LGR4: variants seen among roughly 807,000 people sequenced by gnomAD.
LGR4 encodes leucine rich repeat containing G protein-coupled receptor 4, also known as leucine-rich repeat-containing G protein-coupled receptor 4.
Under a neutral mutation model 84.8 loss-of-function variants are expected in LGR4, and 44 were observed. The ratio of observed to expected loss-of-function variants is 0.52; its 90% confidence interval spans 0.41 to 0.67. LGR4 has a LOEUF of 0.67. Among genes scored for constraint, LGR4 ranks in the 30% least tolerant of loss-of-function variants. The probability of loss-of-function intolerance (pLI) is 0.00; values close to 1 mark genes in which losing one functional copy is unlikely to be tolerated. For synonymous variants in LGR4, 429 were observed against 434.3 expected (o/e 0.99, Z 0.15); for missense variants, 1,032 against 1,131.4 (o/e 0.91, Z 1.26).
chr11:27,398,937 A>G (rs1180801186), intron 2 of LGR4, among the ~76,000 whole-genome samples: 2 of 151,398 alleles, frequency 1.3e-5, no homozygotes, highest in East Asian at 3.9e-4. Context: ...ACGGAGTTTC[A>G]TTCTTGTTGC....
Position 27,373,971 on chromosome 11 carries a change from T to C in LGR4, c.1253+4A>G. 6.3e-7 allele frequency: 1 copy of C among 1,592,698 alleles called. No individual in the cohort carries two copies. The highest frequency in any genetic ancestry group is 8.6e-7 in the Non-Finnish European group (1 of 1,160,586). On this transcript the variant is annotated splice_donor_region_variant and intron_variant, in intron 14 of 17. Coordinates refer to ENST00000379214, the MANE Select transcript of LGR4 (RefSeq NM_018490.5). ...ATGACATTACTGCATAATCATCCACTTACAGGTTAGTTATTGGCCCAAGTG... is the reference window on the plus strand; with the variant it reads ...ATGACATTACTGCATAATCATCCACCTACAGGTTAGTTATTGGCCCAAGTG...
At chr11:27,450,367 C>A (rs760414483) in intron 1 of LGR4, among the ~76,000 whole-genome samples, 1 of 152,184 alleles carries the variant, frequency 6.6e-6, no homozygotes, top group Non-Finnish European at 1.5e-5. Context: ...ACTTTCCTTC[C>A]GGCAGAATAT....
intron 1 of LGR4, among the ~76,000 whole-genome samples, chr11:27,460,140 T>C (rs977380026): frequency 6.6e-6 from 1 of 152,164 alleles, no homozygotes; most frequent in Non-Finnish European, 1.5e-5. Context: ...TTCTATTTCA[T>C]GTTCTTGACC....
chr11:27,418,220 A>T (rs1166270496), intron 1 of LGR4, among the ~76,000 whole-genome samples: 2 of 152,236 alleles, frequency 1.3e-5, no homozygotes, highest in Admixed American at 1.3e-4. Context: ...CATTCAATTA[A>T]ATTTAACTGT....
rs1487507002 is a variant in LGR4 at position 27,367,137 on chromosome 11, T to A, written c.*730A>T. On this transcript the variant is annotated 3_prime_UTR_variant, in exon 18 of 18. Transcript: ENST00000379214. Reference sequence around the variant, plus strand: ...ACCCACACAGCAATTAGCCTTTTACTTTTTTTCTAGTAGTGTAATCACAAA... The same window carrying A: ...ACCCACACAGCAATTAGCCTTTTACATTTTTTCTAGTAGTGTAATCACAAA... 1 of 152,172 alleles carries A rather than the reference T, an allele frequency of 6.6e-6. No individual in the cohort carries two copies. Among genetic ancestry groups the A allele is most frequent in the Non-Finnish European group, 1.5e-5 (1 of 68,008 alleles). The allele number at this position is 152,172 out of a possible 1,614,324, so 9.4% of individuals were successfully genotyped here. A position where few individuals can be genotyped will look rare whatever the true frequency, so the allele number is the denominator to read the frequency against.
rs567745119 is a variant in LGR4 at position 27,415,683 on chromosome 11, C to G, written c.186-2823G>C. On this transcript the variant is annotated intron_variant, in intron 1 of 17. Transcript: ENST00000379214. ...AGTTCCCTCTTTACAGATGTTTTCTCTCATACTTTCTGGGATTCAGTTACA... is the reference window on the plus strand; with the variant it reads ...AGTTCCCTCTTTACAGATGTTTTCTGTCATACTTTCTGGGATTCAGTTACA... Among the ~76,000 whole-genome samples the G allele has an allele frequency of 2.0e-5, 3 of 152,206 alleles. No individual in the cohort carries two copies. The East Asian group carries it at 5.8e-4, about 29-fold the overall frequency.
chr11:27,386,649 G>T (rs1488064434), intron 4 of LGR4, among the ~76,000 whole-genome samples: 1 of 152,072 alleles, frequency 6.6e-6, no homozygotes, highest in African/African-American at 2.4e-5. Context: ...CCACAGTCAA[G>T]TTCTGGGCCC....
intron 1 of LGR4, among the ~76,000 whole-genome samples, chr11:27,417,265 A>G (rs184304813): frequency 6.6e-6 from 1 of 152,106 alleles, no homozygotes; most frequent in Non-Finnish European, 1.5e-5. Context: ...GAAAAAAAAA[A>G]TGATGGTGAT....
At chr11:27,455,378 A>G (rs1212398192) in intron 1 of LGR4, among the ~76,000 whole-genome samples, 1 of 152,200 alleles carries the variant, frequency 6.6e-6, no homozygotes, top group Non-Finnish European at 1.5e-5. Context: ...AGGGAGGAAA[A>G]GTCTAAAAAA....
rs1333727861 is a variant in LGR4, at chr11:27,412,821, A to C, written c.225T>G (p.Asp75Glu). 1 of 1,603,900 alleles carries C rather than the reference A, an allele frequency of 6.2e-7. No individual in the cohort carries two copies. Among genetic ancestry groups the C allele is most frequent in the East Asian group, 2.2e-5 (1 of 44,750 alleles). ...SMNNITQLPEDAFKNFPFLEE... is the reference protein window; with the variant it reads ...SMNNITQLPEEAFKNFPFLEE... ...CTAGAAAAGGAAAGTTCTTAAATGC[A>C]TCTTCTGGCAACTGAGTAATGTTGT... Residue 75 changes from aspartate to glutamate, a missense_variant, in exon 2 of 18, where the codon GAT becomes GAG. Coordinates refer to ENST00000379214, the MANE Select transcript of LGR4 (RefSeq NM_018490.5).
At chr11:27,404,238 A>G (rs1012660589) in intron 2 of LGR4, among the ~76,000 whole-genome samples, 1 of 152,194 alleles carries the variant, frequency 6.6e-6, no homozygotes, top group African/African-American at 2.4e-5. Context: ...GCCAAACACT[A>G]TAATACTGAA....
intron 17 of LGR4, among the ~76,000 whole-genome samples, chr11:27,370,032 T>G (rs1018704857): frequency 1.3e-5 from 2 of 152,192 alleles, no homozygotes; most frequent in South Asian, 4.1e-4. Flanking sequence ...TAACTGACTT[T>G]GACATGCTAG....
rs200956245 is a variant in LGR4 at position 27,472,083 on chromosome 11, TCC to T, written c.185+33_185+34del. ...GCGCCCCCCGCTGGGCCCCGTTTCC[TCC>T]CCCCCCCTCGCGTCCCCGCCGCCCG... On this transcript the variant is annotated intron_variant, in intron 1 of 17. Transcript: ENST00000379214. 8.2e-4 allele frequency: 823 copies of T among 1,003,194 alleles called. 11 individuals are homozygous for T. In the East Asian group the frequency reaches 0.016, roughly 19 times the overall value. 62.1% of individuals were successfully genotyped at this position (1,003,194 alleles called of 1,614,324 possible). A position where few individuals can be genotyped will look rare whatever the true frequency, so the allele number is the denominator to read the frequency against.
chr11:27,447,195 A>AT (rs1327926731), intron 1 of LGR4, among the ~76,000 whole-genome samples: 2 of 151,868 alleles, frequency 1.3e-5, no homozygotes, highest in East Asian at 1.9e-4. Context: ...AATAATAATA[A>AT]AAAAAAGCGC....
At chr11:27,418,527 C>T (rs1440707950) in intron 1 of LGR4, among the ~76,000 whole-genome samples, 1 of 152,160 alleles carries the variant, frequency 6.6e-6, no homozygotes, top group Non-Finnish European at 1.5e-5. Context: ...AGGCTGAGTA[C>T]TTCCCAGCAA....
intron 2 of LGR4, among the ~76,000 whole-genome samples, chr11:27,411,014 C>A (rs1863700179): frequency 6.6e-6 from 1 of 152,078 alleles, no homozygotes; most frequent in South Asian, 2.1e-4. Flanking sequence ...GTCTTCACTT[C>A]GAAATTCCTT....
At chr11:27,461,836 AT>A (rs35205372) in intron 1 of LGR4, among the ~76,000 whole-genome samples, 101 of 76,572 alleles carry the variant, frequency 1.3e-3, no homozygotes, top group South Asian at 0.011. Context: ...TTGAGTTAGG[AT>A]TTTTTTTTTT....
chr11:27,403,691 A>G (rs1863547557), intron 2 of LGR4, among the ~76,000 whole-genome samples: 1 of 152,242 alleles, frequency 6.6e-6, no homozygotes, highest in African/African-American at 2.4e-5. Context: ...AACATGTACA[A>G]AATATTAACC....
intron 4 of LGR4, among the ~76,000 whole-genome samples, chr11:27,388,773 G>A (rs1863231959): frequency 6.6e-6 from 1 of 152,052 alleles, no homozygotes; most frequent in South Asian, 2.1e-4. Context: ...TAATGTAAGT[G>A]TTATAAACAT....
Sources: gnomAD v4.1 joint callset for allele counts (sites outside exome capture counted in the v4.1 genomes callset) on GRCh38, gnomAD v4.1.1 for gene constraint, MANE v1.5 for transcripts, NCBI Gene and HGNC (gene_info 2026-07-23, HGNC 2026-07-21) for gene names.